The following CCDC13 variants were observed in gnomAD, a reference collection of about 807,000 sequenced individuals.
CCDC13 encodes coiled-coil domain containing 13, also known as coiled-coil domain-containing protein 13.
In CCDC13, 70 loss-of-function variants were observed where a neutral mutation model predicts 87.3. The observed-to-expected ratio is 0.80, with a 90% CI of 0.66 to 0.98. The LOEUF is 0.98. CCDC13 is among the 50% of genes least tolerant of loss of function. The pLI is 0.00. For synonymous variants in CCDC13, 317 were observed against 360.3 expected, an observed-to-expected ratio of 0.88 and a Z score of 1.36; for missense variants, 842 against 892.0, an observed-to-expected ratio of 0.94 and a Z score of 0.71.
chr3:42,705,425 G>C (rs1698155257), downstream of CCDC13, among the ~76,000 whole-genome samples: 1 of 152,178 alleles, frequency 6.6e-6, no homozygotes, highest in Admixed American at 6.5e-5. Context: ...GGCCCCTGTG[G>C]GGACAGTGGC....
chr3:42,746,077 G>C (rs369047996), intron 6 of CCDC13, 50 bp from the exon 7 acceptor site: 2 of 1,310,416 alleles, frequency 1.5e-6, no homozygotes, highest in Non-Finnish European at 2.2e-6. Flanking sequence ...GGCTCCACCA[G>C]ACCCTGATGC....
intron 13 of CCDC13, 129 bp downstream of exon 13, chr3:42,730,338 T>C (rs937860179): frequency 7.5e-6 from 10 of 1,333,308 alleles, no homozygotes; most frequent in South Asian, 1.5e-5. Context: ...GAGTTGTGGC[T>C]AGGAATGCCC....
At position 42,709,576 on chromosome 3, in the gene CCDC13, T is replaced by C. The variant is rs149972052; in HGVS notation, c.1988+108A>G. 6,531 of 895,294 alleles carry C rather than the reference T, an allele frequency of 7.3e-3. 33 individuals are homozygous for C. Among genetic ancestry groups the C allele is most frequent in the Non-Finnish European group, 9.7e-3 (5,348 of 548,962 alleles). The allele number at this position is 895,294 out of a possible 1,614,324, so 55.5% of individuals were successfully genotyped here. On this transcript the variant is annotated intron_variant, in intron 15 of 15. Coordinates refer to ENST00000310232, the MANE Select transcript of CCDC13 (RefSeq NM_144719.4). ...CCAGGACCAAACAGGACAAGCCTTC[T>C]GGGCAAATGAGTCAAAAGTGCAAGG...
chr3:42,713,042 G>A, intron 14 of CCDC13, 120 bp downstream of exon 14: 1 of 1,192,166 alleles, frequency 8.4e-7, no homozygotes, highest in Non-Finnish European at 1.2e-6. Flanking sequence ...GCTCCACCCT[G>A]ATGGAAGCTC....
chr3:42,757,767 C>A (rs1210365635), intron 2 of CCDC13, among the ~76,000 whole-genome samples: 1 of 152,008 alleles, frequency 6.6e-6, no homozygotes, highest in African/African-American at 2.4e-5. Context: ...TAAATAATAA[C>A]ATTATACAGA....
chr3:42,717,705 C>T (rs898419497), intron 13 of CCDC13, among the ~76,000 whole-genome samples: 1 of 152,164 alleles, frequency 6.6e-6, no homozygotes, highest in African/African-American at 2.4e-5. Context: ...GGTTAGAAGT[C>T]CAAGGTTGGC....
Position 42,735,919 on chromosome 3 carries a change from G to T in CCDC13, c.1165-6C>A, listed in dbSNP as rs554785487. ...TGTAGCTGCTTCAGCTGGTCCTGGG[G>T]GGCCAGGCAGGAGGGCAGGTGGAGT... On this transcript the variant is annotated splice_polypyrimidine_tract_variant and splice_region_variant and intron_variant, in intron 9 of 15. Transcript: ENST00000310232. 1 of 1,611,396 alleles carries T rather than the reference G, an allele frequency of 6.2e-7. No individual in the cohort carries two copies. The highest frequency in any genetic ancestry group is 2.2e-5 in the East Asian group (1 of 44,756).
At chr3:42,742,443 C>T (rs1006807639) in intron 8 of CCDC13, among the ~76,000 whole-genome samples, 8 of 152,170 alleles carry the variant, frequency 5.3e-5, no homozygotes, top group Admixed American at 5.2e-4. Flanking sequence ...CAATGACTTC[C>T]CTTTGTTGCT....
chr3:42,731,147 C>T (rs1372527276), intron 12 of CCDC13, among the ~76,000 whole-genome samples: 4 of 152,210 alleles, frequency 2.6e-5, no homozygotes, highest in Non-Finnish European at 4.4e-5. Flanking sequence ...AGAAGGTAAA[C>T]TCTGCCCCCC....
At chr3:42,745,902 G>A (rs1365999963) in intron 7 of CCDC13, 21 bp downstream of exon 7, 1 of 1,579,890 alleles carries the variant, frequency 6.3e-7, no homozygotes, top group South Asian at 1.1e-5. Context: ...CAGGCCAGGA[G>A]AAGTCTGATG....
intron 3 of CCDC13, among the ~76,000 whole-genome samples, chr3:42,756,789 A>T (rs1017231277): frequency 1.3e-5 from 2 of 152,104 alleles, no homozygotes; most frequent in African/African-American, 2.4e-5. Context: ...TCCCAGCTGG[A>T]TCACCAACAT....
chr3:42,770,153 C>T (rs1290592961), intron 1 of CCDC13, among the ~76,000 whole-genome samples: 1 of 152,228 alleles, frequency 6.6e-6, no homozygotes, highest in Non-Finnish European at 1.5e-5. Flanking sequence ...CTTGGAGAAC[C>T]TTTGTGTCTA....
intron 9 of CCDC13, 142 bp from the exon 10 acceptor site, chr3:42,736,055 C>A: frequency 1.4e-6 from 1 of 710,370 alleles, no homozygotes; most frequent in South Asian, 1.8e-5. Flanking sequence ...GGCAGGAACA[C>A]CTTCCTTGCC....
At chr3:42,740,461 C>T (rs1370193273) in intron 8 of CCDC13, among the ~76,000 whole-genome samples, 3 of 152,172 alleles carry the variant, frequency 2.0e-5, no homozygotes, top group African/African-American at 7.2e-5. Context: ...TGAGGGCCTA[C>T]TATGGGCTTA....
chr3:42,756,660 C>A (rs1251463176), intron 3 of CCDC13, among the ~76,000 whole-genome samples: 1 of 151,824 alleles, frequency 6.6e-6, no homozygotes, highest in Admixed American at 6.6e-5. Flanking sequence ...TAGCTCACTG[C>A]AGGCTGCTGG....
chr3:42,709,819 C>T (rs761083010), intron 14 of CCDC13, 21 bp from the exon 15 acceptor site: 10 of 1,592,884 alleles, frequency 6.3e-6, no homozygotes, highest in Non-Finnish European at 8.6e-6. Flanking sequence ...GCAGCAACCA[C>T]TTTCTGTGAG....
chr3:42,743,499 C>T (rs1699288678), intron 7 of CCDC13, among the ~76,000 whole-genome samples: 1 of 147,274 alleles, frequency 6.8e-6, no homozygotes, highest in South Asian at 2.1e-4. Flanking sequence ...CTCACTGTAA[C>T]CTCTGCCTCC....
Position 42,708,997 on chromosome 3 carries a change from T to C in CCDC13, c.2131A>G (p.Lys711Glu). 3.7e-6 allele frequency: 6 copies of C among 1,612,520 alleles called. No individual in the cohort carries two copies. The highest frequency in any genetic ancestry group is 5.1e-6 in the Non-Finnish European group (6 of 1,179,246). Residue 711 changes from lysine to glutamate, a missense_variant, in exon 16 of 16, where the codon AAG (lysine) becomes GAG (glutamate). Transcript: ENST00000310232. ...SVFLQALRQQ[K>E]TGKQ ...CTGTCATCCTATTGCTTGCCTGTCT[T>C]CTGCTGCCGCAGGGCCTGCAGGAAG...
rs778447876 is a variant in CCDC13, at chr3:42,746,034, T to C, written c.721-7A>G. ...CAACCTCTCTGGCCAAAACCTGAAA[T>C]AAGGCAGGGCCTTCAATGTGGCCAA... On this transcript the variant is annotated splice_region_variant and splice_polypyrimidine_tract_variant and intron_variant, in intron 6 of 15. Coordinates refer to ENST00000310232, the MANE Select transcript of CCDC13 (RefSeq NM_144719.4). The C allele has an allele frequency of 1.9e-5, 31 of 1,611,408 alleles. No homozygotes were observed. The highest frequency in any genetic ancestry group is 2.6e-5 in the Non-Finnish European group (31 of 1,177,700).
Sources: gnomAD v4.1 joint callset for allele counts (sites outside exome capture counted in the v4.1 genomes callset) on GRCh38, gnomAD v4.1.1 for gene constraint, MANE v1.5 for transcripts, NCBI Gene and HGNC (gene_info 2026-07-23, HGNC 2026-07-21) for gene names.